The following PPP2CA variants were observed in gnomAD, a reference collection of about 807,000 sequenced individuals.
PPP2CA encodes the protein protein phosphatase 2 catalytic subunit alpha.
A neutral mutation model predicts 38.8 loss-of-function variants in PPP2CA; 5 were observed. The ratio of observed to expected loss-of-function variants is 0.13; its 90% confidence interval spans 0.07 to 0.27. PPP2CA has a LOEUF of 0.27. Ranked by LOEUF, PPP2CA falls within the 10% of genes least tolerant of loss-of-function variation. The pLI is 1.00. For missense variants in PPP2CA, 88 were observed against 389.7 expected (o/e 0.23, Z 6.52); for synonymous variants, 152 against 134.0 (o/e 1.13, Z -0.93).
In PPP2CA at chr5:134,210,094, G is replaced by A. The variant is rs145011325; in HGVS notation, c.103-3963C>T. Among the ~76,000 whole-genome samples, 221 of 139,100 alleles carry A rather than the reference G, an allele frequency of 1.6e-3. 4 individuals carry two copies. Among genetic ancestry groups the A allele is most frequent in the Middle Eastern group, 3.5e-3 (1 of 282 alleles). The allele number at this position is 139,100 out of a possible 152,430, so 91.3% of individuals were successfully genotyped here. On this transcript the variant is annotated intron_variant, in intron 1 of 6. Coordinates refer to ENST00000481195, the MANE Select transcript of PPP2CA (RefSeq NM_002715.4). ...TGATCATACCACTGCACTCCAGCCTGGTAGACAGCCATCTCAAAAAAAAAA... is the reference window on the plus strand; with the variant it reads ...TGATCATACCACTGCACTCCAGCCTAGTAGACAGCCATCTCAAAAAAAAAA...
At chr5:134,201,472 T>G (rs907100785) in intron 3 of PPP2CA, among the ~76,000 whole-genome samples, 41 of 152,350 alleles carry the variant, frequency 2.7e-4, no homozygotes, top group African/African-American at 9.1e-4. Context: ...ACTCCTGCCC[T>G]TTGCCAGAGA....
chr5:134,220,512 T>C (rs1467268945), intron 1 of PPP2CA, among the ~76,000 whole-genome samples: 1 of 149,580 alleles, frequency 6.7e-6, no homozygotes, highest in Admixed American at 6.7e-5. Flanking sequence ...TCCTTCATGG[T>C]TCTCATCCAA....
At position 134,226,072 on chromosome 5, in the gene PPP2CA, G is replaced by C. The variant is rs1373861795; in HGVS notation, c.-211C>G. The C allele has an allele frequency of 2.3e-6, 1 of 438,696 alleles. No individual in the cohort carries two copies. The highest frequency in any genetic ancestry group is 4.4e-5 in the Admixed American group (1 of 22,898). 27.2% of individuals were successfully genotyped at this position (438,696 alleles called of 1,614,324 possible). On this transcript the variant is annotated 5_prime_UTR_variant, in exon 1 of 7. Transcript: ENST00000481195. ...CTGAGGCTCCAGAGCTCGGCTCTCT[G>C]TAATGGCGGCCGCCGGGCGTGGTGA...
At chr5:134,214,321 C>G (rs1762273629) in intron 1 of PPP2CA, among the ~76,000 whole-genome samples, 1 of 152,178 alleles carries the variant, frequency 6.6e-6, no homozygotes, top group Non-Finnish European at 1.5e-5. Flanking sequence ...TTCATACTAA[C>G]TCGTTTCTAC....
chr5:134,222,347 T>C (rs1762463629), intron 1 of PPP2CA, among the ~76,000 whole-genome samples: 1 of 152,152 alleles, frequency 6.6e-6, no homozygotes, highest in Admixed American at 6.5e-5. Flanking sequence ...CACAGCAACA[T>C]ATTACCCAAT....
At position 134,199,127 on chromosome 5, in the gene PPP2CA, T is replaced by C. The variant is rs759872294; in HGVS notation, c.816A>G (p.Gln272=). 1.7e-5 allele frequency: 27 copies of C among 1,613,924 alleles called. No homozygotes were observed. Among genetic ancestry groups the C allele is most frequent in the Non-Finnish European group, 2.2e-5 (26 of 1,179,888 alleles). Residue 272 remains glutamine (Q), a synonymous_variant, in exon 6 of 7, where the codon CAA becomes CAG. Transcript: ENST00000481195. ...APNYCYRCGN[Q]AAIMELDDTL... is the part of the protein sequence containing the mutation. ...TATCGTCAAGTTCCATGATTGCAGCTTGGTTACCACAACGATAACAATAGT... is the reference window on the plus strand; with the variant it reads ...TATCGTCAAGTTCCATGATTGCAGCCTGGTTACCACAACGATAACAATAGT...
intron 1 of PPP2CA, among the ~76,000 whole-genome samples, chr5:134,224,814 C>T (rs1762529147): frequency 6.6e-6 from 1 of 152,192 alleles, no homozygotes; most frequent in Admixed American, 6.5e-5. Flanking sequence ...GTATGTGAGA[C>T]ATTATTTAAA....
At chr5:134,200,750 A>G (rs1209862879) in intron 4 of PPP2CA, among the ~76,000 whole-genome samples, 1 of 152,216 alleles carries the variant, frequency 6.6e-6, no homozygotes, top group Non-Finnish European at 1.5e-5. Context: ...TATTATGCAA[A>G]TTTCAGAGTC....
chr5:134,223,775 C>T (rs1435243018), intron 1 of PPP2CA, among the ~76,000 whole-genome samples: 1 of 152,204 alleles, frequency 6.6e-6, no homozygotes, highest in Non-Finnish European at 1.5e-5. Flanking sequence ...CCATGCTTTT[C>T]TTTCAAACTA....
intron 2 of PPP2CA, among the ~76,000 whole-genome samples, chr5:134,205,175 T>C (rs1413014186): frequency 6.6e-6 from 1 of 152,124 alleles, no homozygotes; most frequent in African/African-American, 2.4e-5. Context: ...TCAAGCAATA[T>C]GCTCACTTTG....
intron 1 of PPP2CA, among the ~76,000 whole-genome samples, chr5:134,221,103 T>A (rs912720511): frequency 6.6e-6 from 1 of 152,064 alleles, no homozygotes; most frequent in Non-Finnish European, 1.5e-5. Context: ...GCCAAGAGGA[T>A]GAAAAGAGGC....
intron 1 of PPP2CA, among the ~76,000 whole-genome samples, chr5:134,217,998 C>T (rs1412185128): frequency 2.0e-5 from 3 of 152,180 alleles, no homozygotes; most frequent in African/African-American, 7.2e-5. Context: ...TAAAGTGTTA[C>T]ACTATGACAT....
chr5:134,207,383 T>C (rs1164479048), intron 1 of PPP2CA, among the ~76,000 whole-genome samples: 13 of 152,128 alleles, frequency 8.5e-5, no homozygotes, highest in Admixed American at 8.5e-4. Flanking sequence ...CCAGCCTGGG[T>C]GACAGACCAA....
At chr5:134,198,485 T>C (rs1580635320) in intron 6 of PPP2CA, among the ~76,000 whole-genome samples, 1 of 152,202 alleles carries the variant, frequency 6.6e-6, no homozygotes, top group Admixed American at 6.5e-5. Context: ...AATAAGTTCC[T>C]GTTGGTGTGT....
chr5:134,198,395 A>AAAACAAACAAACAAACAAAAAAAAC (rs70976523), intron 6 of PPP2CA, among the ~76,000 whole-genome samples: 2 of 150,724 alleles, frequency 1.3e-5, no homozygotes, highest in Non-Finnish European at 3.0e-5. Flanking sequence ...TCCGTCTCAA[A>AAAACAAACAAACAAACAAAAAAAAC]AAACAAACAA....
intron 1 of PPP2CA, among the ~76,000 whole-genome samples, chr5:134,208,155 T>C (rs1198058004): frequency 6.6e-6 from 1 of 152,204 alleles, no homozygotes; most frequent in Non-Finnish European, 1.5e-5. Flanking sequence ...ACCATGTAAA[T>C]CTTGCCATGA....
At chr5:134,202,815 G>C (rs1761996295) in intron 2 of PPP2CA, among the ~76,000 whole-genome samples, 1 of 152,210 alleles carries the variant, frequency 6.6e-6, no homozygotes, top group Admixed American at 6.5e-5. Context: ...GTTTTTCAAA[G>C]TAGCTAGACC....
rs1761821034 is a variant in PPP2CA at position 134,195,083 on chromosome 5, C to G, written c.*2689G>C. 1 of 152,134 alleles carries G rather than the reference C, an allele frequency of 6.6e-6. No individual in the cohort carries two copies. The highest frequency in any genetic ancestry group is 6.6e-5 in the Admixed American group (1 of 15,266). 9.4% of individuals were successfully genotyped at this position (152,134 alleles called of 1,614,324 possible). A position where few individuals can be genotyped will look rare whatever the true frequency, so the allele number is the denominator to read the frequency against. ...TTGAAACTAATCTAATATTGACAAA[C>G]TTCTATTTAAGAAATACCGACTACA... On this transcript the variant is annotated 3_prime_UTR_variant, in exon 7 of 7. Coordinates refer to ENST00000481195, the MANE Select transcript of PPP2CA (RefSeq NM_002715.4).
At chr5:134,203,321 C>G (rs1225080660) in intron 2 of PPP2CA, among the ~76,000 whole-genome samples, 2 of 152,160 alleles carry the variant, frequency 1.3e-5, no homozygotes, top group Admixed American at 6.5e-5. Flanking sequence ...GATCCATTTG[C>G]TTCAGCACCA....
Sources: allele counts gnomAD v4.1 joint callset (sites outside exome capture counted in the v4.1 genomes callset), GRCh38; gene constraint gnomAD v4.1.1; transcripts MANE v1.5; gene names NCBI Gene and HGNC (gene_info 2026-07-23, HGNC 2026-07-21).